Variants in BEND4 observed in about 807,000 individuals in gnomAD.
The protein encoded by BEND4 is BEN domain-containing protein 4.
Under a neutral mutation model 54.7 loss-of-function variants are expected in BEND4, and 27 were observed. The observed-to-expected ratio is 0.49, with a 90% confidence interval of 0.36 to 0.68. The LOEUF (loss-of-function observed/expected upper bound fraction) is 0.68. Ranked by LOEUF, BEND4 falls within the 30% of genes least tolerant of loss-of-function variation. The probability of loss-of-function intolerance (pLI) is 0.00; values close to 1 mark genes in which losing one functional copy is unlikely to be tolerated. For synonymous variants in BEND4, 327 were observed against 299.5 expected, an observed-to-expected ratio of 1.09 and a Z score of -0.95; for missense variants, 702 against 697.2, an observed-to-expected ratio of 1.01 and a Z score of -0.08.
Position 42,130,479 on chromosome 4 carries a change from C to CAAAA in BEND4, c.1055-4809_1055-4806dup, listed in dbSNP as rs55989085. 1.3e-3 allele frequency among the ~76,000 whole-genome samples: 85 copies of CAAAA among 64,850 alleles called. 2 individuals are homozygous for CAAAA. Among genetic ancestry groups the CAAAA allele is most frequent in the African/African-American group, 1.6e-3 (28 of 17,880 alleles). 42.5% of individuals were successfully genotyped at this position (64,850 alleles called of 152,430 possible). ...TGGGCGACAGAGCAAGAGTCCGTCT[C>CAAAA]AAAAAAAAAAAAAAAAAAAAATACC... On this transcript the variant is annotated intron_variant, in intron 3 of 5. Coordinates refer to ENST00000502486, the MANE Select transcript of BEND4 (RefSeq NM_207406.4).
chr4:42,131,524 CCTTGCT>C (rs1720508906), intron 3 of BEND4, among the ~76,000 whole-genome samples: 3 of 152,164 alleles, frequency 2.0e-5, no homozygotes, highest in Non-Finnish European at 4.4e-5. Context: ...GTCTCCCCTT[CCTTGCT>C]ATTACTTCAG....
Position 42,114,127 on chromosome 4 carries a change from T to G in BEND4, c.*3391A>C, listed in dbSNP as rs1383962123. On this transcript the variant is annotated 3_prime_UTR_variant, in exon 6 of 6. Coordinates refer to ENST00000502486, the MANE Select transcript of BEND4 (RefSeq NM_207406.4). ...GGTTAAGCCATGAGATTTTGAACAA[T>G]GCACCGTCAAGAGTCAGTGAGAAAT... The G allele has an allele frequency of 6.6e-6, 1 of 152,206 alleles. No individual in the cohort carries two copies. Among genetic ancestry groups the G allele is most frequent in the Non-Finnish European group, 1.5e-5 (1 of 68,034 alleles). 9.4% of individuals were successfully genotyped at this position (152,206 alleles called of 1,614,324 possible).
intron 3 of BEND4, among the ~76,000 whole-genome samples, chr4:42,130,635 C>T: frequency 6.6e-6 from 1 of 152,066 alleles, no homozygotes; most frequent in East Asian, 1.9e-4. Context: ...TTAGTTCAAC[C>T]ATTATGGAAG....
In BEND4 at chr4:42,148,684, C is replaced by A. The variant is rs951065667; in HGVS notation, c.487+2973G>T. On this transcript the variant is annotated intron_variant, in intron 2 of 5. Transcript: ENST00000502486. Reference sequence around the variant, plus strand: ...TGAAGAAGATAAAATATCTGCCTGACTCAAAAGCTTGACAGTCAGGTTAAT... The same window carrying A: ...TGAAGAAGATAAAATATCTGCCTGAATCAAAAGCTTGACAGTCAGGTTAAT... 2.0e-5 allele frequency among the ~76,000 whole-genome samples: 3 copies of A among 152,164 alleles called. No individual in the cohort carries two copies. The South Asian group carries it at 6.2e-4, about 32-fold the overall frequency.
Position 42,152,349 on chromosome 4 carries a change from C to A in BEND4, c.-206G>T. On this transcript the variant is annotated 5_prime_UTR_variant, in exon 2 of 6. Coordinates refer to ENST00000502486, the MANE Select transcript of BEND4 (RefSeq NM_207406.4). ...CGCGCGGGGGGCTGCCGCCCGAGCTCCTGATTGACAGGCTGCCTCGCCAAT... is the reference window on the plus strand; with the variant it reads ...CGCGCGGGGGGCTGCCGCCCGAGCTACTGATTGACAGGCTGCCTCGCCAAT... 2.9e-6 allele frequency: 1 copy of A among 346,240 alleles called. No individual in the cohort carries two copies. Among genetic ancestry groups the A allele is most frequent in the South Asian group, 1.3e-4 (1 of 7,562 alleles). The allele number at this position is 346,240 out of a possible 1,614,324, so 21.4% of individuals were successfully genotyped here. A position where few individuals can be genotyped will look rare whatever the true frequency, so the allele number is the denominator to read the frequency against.
intron 3 of BEND4, among the ~76,000 whole-genome samples, chr4:42,139,416 AGAG>A (rs1364627841): frequency 1.3e-5 from 2 of 151,682 alleles, no homozygotes; most frequent in African/African-American, 4.8e-5. Context: ...TGCCCCTCTC[AGAG>A]TAGTGCCAGA....
intron 3 of BEND4, among the ~76,000 whole-genome samples, chr4:42,126,719 T>C (rs1720300818): frequency 6.6e-6 from 1 of 152,188 alleles, no homozygotes; most frequent in African/African-American, 2.4e-5. Context: ...TTTAAAGGTC[T>C]TGGTAGCTTA....
chr4:42,128,706 T>C (rs371114602), intron 3 of BEND4, among the ~76,000 whole-genome samples: 7 of 151,666 alleles, frequency 4.6e-5, no homozygotes, highest in African/African-American at 1.7e-4. Context: ...CAAGGCCGGG[T>C]GCGGTGGCTC....
At chr4:42,120,346 CAGA>C in intron 4 of BEND4, 52 bp from the exon 5 acceptor site, 1 of 1,566,310 alleles carries the variant, frequency 6.4e-7, no homozygotes, top group Non-Finnish European at 8.7e-7. Flanking sequence ...CAGCCAGAAG[CAGA>C]AGTGATCTCC....
intron 4 of BEND4, among the ~76,000 whole-genome samples, chr4:42,121,355 C>T (rs1234089316): frequency 6.6e-6 from 1 of 152,204 alleles, no homozygotes; most frequent in Non-Finnish European, 1.5e-5. Context: ...CGCGTGGAGA[C>T]TCATCACGGC....
chr4:42,121,910 G>C (rs551906028), intron 4 of BEND4, among the ~76,000 whole-genome samples: 2 of 152,234 alleles, frequency 1.3e-5, no homozygotes, highest in African/African-American at 4.8e-5. Context: ...CAGAGGCTAC[G>C]GCTGGGAGGA....
At chr4:42,122,856 A>C (rs942112347) in intron 4 of BEND4, among the ~76,000 whole-genome samples, 2 of 152,174 alleles carry the variant, frequency 1.3e-5, no homozygotes, top group Admixed American at 6.5e-5. Context: ...CTCACAACTC[A>C]AAGGGACGGG....
intron 3 of BEND4, among the ~76,000 whole-genome samples, chr4:42,141,129 T>A: frequency 6.6e-6 from 1 of 152,136 alleles, no homozygotes; most frequent in African/African-American, 2.4e-5. Flanking sequence ...TGTCTTGCAG[T>A]CGGTGCCTGC....
At position 42,152,039 on chromosome 4, in the gene BEND4, C is replaced by G. The variant is rs1003639336; in HGVS notation, c.105G>C (p.Pro35=). 3.2e-6 allele frequency: 4 copies of G among 1,251,492 alleles called. No homozygotes were observed. Among genetic ancestry groups the G allele is most frequent in the Non-Finnish European group, 4.0e-6 (4 of 990,962 alleles). The allele number at this position is 1,251,492 out of a possible 1,614,324, so 77.5% of individuals were successfully genotyped here. A position where few individuals can be genotyped will look rare whatever the true frequency, so the allele number is the denominator to read the frequency against. The change falls in exon 2 of 6, where the codon CCG becomes CCC. Residue 35 remains proline, a synonymous_variant. Coordinates refer to ENST00000502486, the MANE Select transcript of BEND4 (RefSeq NM_207406.4). Reference sequence around the variant, plus strand: ...GTCGCTCGTAGCGCTTGGCCAGCGCCGGTCTCTTGCTGGGGAACGTCTTGA... The same window carrying G: ...GTCGCTCGTAGCGCTTGGCCAGCGCGGGTCTCTTGCTGGGGAACGTCTTGA... ...SVLKTFPSKR[P]ALAKRYERPT...
intron 3 of BEND4, among the ~76,000 whole-genome samples, chr4:42,137,223 TA>T (rs370842702): frequency 4.4e-4 from 67 of 152,190 alleles, no homozygotes; most frequent in Middle Eastern, 3.4e-3. Context: ...AATGAGATAA[TA>T]AAAAAATGCA....
In BEND4 at chr4:42,116,145, A is replaced by G. The variant is rs1488094276; in HGVS notation, c.*1373T>C. 1 of 152,220 alleles carries G rather than the reference A, an allele frequency of 6.6e-6. No individual in the cohort carries two copies. The highest frequency in any genetic ancestry group is 2.4e-5 in the African/African-American group (1 of 41,458). The allele number at this position is 152,220 out of a possible 1,614,324, so 9.4% of individuals were successfully genotyped here. ...TATCAATGGATGCTCATTAACCTGA[A>G]TCTCCAACCAATTTTCAAAAACCCT... On this transcript the variant is annotated 3_prime_UTR_variant, in exon 6 of 6. Transcript: ENST00000502486.
chr4:42,135,252 T>C (rs1720658005), intron 3 of BEND4, among the ~76,000 whole-genome samples: 1 of 152,174 alleles, frequency 6.6e-6, no homozygotes, highest in Non-Finnish European at 1.5e-5. Flanking sequence ...GAAGGAGAGA[T>C]GAGCTCTGGA....
intron 3 of BEND4, among the ~76,000 whole-genome samples, chr4:42,137,755 A>G (rs971852746): frequency 6.6e-6 from 1 of 152,204 alleles, no homozygotes; most frequent in African/African-American, 2.4e-5. Flanking sequence ...ACTCCTCCAC[A>G]GTGGAAAAAC....
intron 3 of BEND4, among the ~76,000 whole-genome samples, chr4:42,128,048 C>G (rs930021657): frequency 6.6e-6 from 1 of 152,140 alleles, no homozygotes; most frequent in Non-Finnish European, 1.5e-5. Flanking sequence ...CCTGTAATCC[C>G]AGCTACCCAG....
Sources: gnomAD v4.1 joint callset for allele counts (sites outside exome capture counted in the v4.1 genomes callset) on GRCh38, gnomAD v4.1.1 for gene constraint, MANE v1.5 for transcripts, NCBI Gene and HGNC (gene_info 2026-07-23, HGNC 2026-07-21) for gene names.